The following MYO18B variants were observed in gnomAD, a reference collection of about 807,000 sequenced individuals.
MYO18B encodes the protein myosin XVIIIB.
A neutral mutation model predicts 273.0 loss-of-function variants in MYO18B; 204 were observed. The ratio of observed to expected loss-of-function variants is 0.75; its 90% CI spans 0.67 to 0.84. The LOEUF (loss-of-function observed/expected upper bound fraction) is 0.84. Among genes scored for constraint, MYO18B ranks in the 40% least tolerant of loss-of-function variants. The probability of loss-of-function intolerance (pLI) is 0.00; values close to 1 mark genes in which losing one functional copy is unlikely to be tolerated. For missense variants in MYO18B, 3,212 were observed against 3,287.6 expected (o/e 0.98, Z 0.56); for synonymous variants, 1,330 against 1,305.7 (o/e 1.02, Z -0.40).
intron 12 of MYO18B, among the ~76,000 whole-genome samples, chr22:25,800,489 T>C (rs979796625): frequency 2.0e-5 from 3 of 152,204 alleles, no homozygotes; most frequent in African/African-American, 7.2e-5. Context: ...TGTTGCATAT[T>C]TGGGGAAGGA....
At chr22:26,004,250 G>T (rs1601811737) in intron 41 of MYO18B, among the ~76,000 whole-genome samples, 1 of 117,894 alleles carries the variant, frequency 8.5e-6, no homozygotes, top group Non-Finnish European at 2.0e-5. Flanking sequence ...TTCAGAATCA[G>T]GGGACATAAA....
intron 7 of MYO18B, among the ~76,000 whole-genome samples, chr22:25,775,870 A>G (rs1424276598): frequency 6.9e-6 from 1 of 143,890 alleles, no homozygotes; most frequent in East Asian, 1.9e-4. Flanking sequence ...GGCAAGCTCC[A>G]CCAAGCAGGG....
Position 25,768,770 on chromosome 22 carries a change from A to G in MYO18B, c.854A>G (p.Glu285Gly), listed in dbSNP as rs891623893. 6.2e-7 allele frequency: 1 copy of G among 1,608,398 alleles called. No homozygotes were observed. Among genetic ancestry groups the G allele is most frequent in the Non-Finnish European group, 8.5e-7 (1 of 1,177,262 alleles). ...GTGCGACCAGGGAAAGCAGAGAAGGAGGGAGCAGAGCCCACAAACACGGTG... is the reference window on the plus strand; with the variant it reads ...GTGCGACCAGGGAAAGCAGAGAAGGGGGGAGCAGAGCCCACAAACACGGTG... ...EGVRPGKAEK[E>G]GAEPTNTVEK... Residue 285 changes from glutamate (E) to glycine (G), a missense_variant, in exon 4 of 44, where the codon GAG (glutamate) becomes GGG (glycine). Transcript: ENST00000335473.
At chr22:25,810,326 C>T (rs139753819) in intron 12 of MYO18B, among the ~76,000 whole-genome samples, 2,993 of 150,764 alleles carry the variant, frequency 0.02, 79 homozygotes, top group East Asian at 0.11. Flanking sequence ...TCTCGAGCTC[C>T]TGACCTCGTG....
intron 12 of MYO18B, among the ~76,000 whole-genome samples, chr22:25,803,506 T>C (rs1048592910): frequency 5.3e-5 from 8 of 152,090 alleles, no homozygotes; most frequent in Non-Finnish European, 1.2e-4. Context: ...CAGGTAAAAT[T>C]AGGCCCATTT....
rs546513330 is a variant in MYO18B, at chr22:25,827,970, C to A, written c.2787-806C>A. On this transcript the variant is annotated intron_variant, in intron 14 of 43. Coordinates refer to ENST00000335473, the MANE Select transcript of MYO18B (RefSeq NM_032608.7). ...TCTGTGTGGTGGCTGCTCTTATTATCCCCATTTTATAGTTGGAAAACCTTG... is the reference window on the plus strand; with the variant it reads ...TCTGTGTGGTGGCTGCTCTTATTATACCCATTTTATAGTTGGAAAACCTTG... Among the ~76,000 whole-genome samples the A allele has an allele frequency of 5.3e-5, 8 of 152,288 alleles. No individual in the cohort carries two copies. In the South Asian group the frequency reaches 1.7e-3, roughly 32 times the overall value.
At position 26,030,995 on chromosome 22, in the gene MYO18B, TGAATG is replaced by T. The variant is rs895937906; in HGVS notation, c.*566_*570del. The T allele has an allele frequency of 1.1e-4, 45 of 398,024 alleles. 1 individual carries two copies. In the Middle Eastern group the frequency reaches 2.5e-3, roughly 22 times the overall value. 24.7% of individuals were successfully genotyped at this position (398,024 alleles called of 1,614,324 possible). ...AAGCATTCAAGAAACTGATGAATGA[TGAATG>T]AATGAATGAGCCAAAGAACAAATAA... is the stretch of plus-strand genomic sequence containing the variant. On this transcript the variant is annotated 3_prime_UTR_variant, in exon 44 of 44. Transcript: ENST00000335473.
the MYO18B span, among the ~76,000 whole-genome samples, chr22:26,039,364 C>T: frequency 6.6e-6 from 1 of 152,190 alleles, no homozygotes; most frequent in Non-Finnish European, 1.5e-5. Context: ...TTCTTGCATG[C>T]TTTTATCTCC....
chr22:25,771,194 T>C (rs1437116299), intron 6 of MYO18B, among the ~76,000 whole-genome samples: 1 of 152,256 alleles, frequency 6.6e-6, no homozygotes, highest in Non-Finnish European at 1.5e-5. Flanking sequence ...TCATTCACCC[T>C]TTCCTGTGGT....
chr22:25,841,988 G>A (rs2269633), intron 17 of MYO18B, among the ~76,000 whole-genome samples: 49,021 of 152,158 alleles, frequency 0.32, 8,576 homozygotes, highest in East Asian at 0.67. Context: ...CTCTGAAAGC[G>A]TCACAGGACA....
At chr22:26,048,025 A>T in the MYO18B span, among the ~76,000 whole-genome samples, 1 of 151,980 alleles carries the variant, frequency 6.6e-6, no homozygotes, top group Non-Finnish European at 1.5e-5. Context: ...GCTCCTTCTC[A>T]TCCTTCACAT....
chr22:26,005,598 T>C (rs1310566837), intron 42 of MYO18B, among the ~76,000 whole-genome samples: 1 of 152,194 alleles, frequency 6.6e-6, no homozygotes, highest in Non-Finnish European at 1.5e-5. Context: ...AGGGTGGCCC[T>C]CTTGTAATTA....
At chr22:26,042,881 A>G in the MYO18B span, among the ~76,000 whole-genome samples, 24 of 152,288 alleles carry the variant, frequency 1.6e-4, no homozygotes, top group African/African-American at 5.1e-4. Context: ...ACAACAAAGC[A>G]ATGACTAATC....
chr22:25,926,177 C>G (rs2092418470), intron 34 of MYO18B, among the ~76,000 whole-genome samples: 1 of 151,864 alleles, frequency 6.6e-6, no homozygotes, highest in South Asian at 2.1e-4. Context: ...TGCACTCCAG[C>G]CTGGACGATG....
At chr22:25,945,590 A>G (rs1158264319) in intron 34 of MYO18B, among the ~76,000 whole-genome samples, 1 of 151,844 alleles carries the variant, frequency 6.6e-6, no homozygotes, top group African/African-American at 2.4e-5. Flanking sequence ...TGAAGACATG[A>G]GGGCCGCCTG....
intron 2 of MYO18B, among the ~76,000 whole-genome samples, chr22:25,761,983 T>G (rs2086336925): frequency 6.6e-6 from 1 of 151,590 alleles, no homozygotes; most frequent in East Asian, 1.9e-4. Context: ...ATTAACTGGG[T>G]GTGGTGGTGT....
chr22:25,930,729 G>C (rs2227236), intron 34 of MYO18B, among the ~76,000 whole-genome samples: 77,315 of 151,892 alleles, frequency 0.51, 22,960 homozygotes, highest in African/African-American at 0.82. Context: ...CCGCCTTGGC[G>C]TCCCAAAGTG....
intron 40 of MYO18B, among the ~76,000 whole-genome samples, chr22:25,996,503 G>T (rs1933258628): frequency 6.6e-6 from 1 of 152,196 alleles, no homozygotes. Context: ...GAGGAATAGA[G>T]AGGGAGAAGA....
At position 25,902,034 on chromosome 22, in the gene MYO18B, C is replaced by CA. The variant is rs60501773; in HGVS notation, c.4824-578dup. Among the ~76,000 whole-genome samples, 1,518 of 152,052 alleles carry CA rather than the reference C, an allele frequency of 1.0e-2. 19 individuals are homozygous for CA. Among genetic ancestry groups the CA allele is most frequent in the African/African-American group, 0.035 (1,449 of 41,462 alleles). On this transcript the variant is annotated intron_variant, in intron 29 of 43. Coordinates refer to ENST00000335473, the MANE Select transcript of MYO18B (RefSeq NM_032608.7). ...AATTTTAAAAATAGAGATGGGGTCT[C>CA]ACTTTGTTGACCAGGCTGGTCTTTA...
Sources: gnomAD v4.1 joint callset for allele counts (sites outside exome capture counted in the v4.1 genomes callset) on GRCh38, gnomAD v4.1.1 for gene constraint, MANE v1.5 for transcripts, NCBI Gene and HGNC (gene_info 2026-07-23, HGNC 2026-07-21) for gene names.